Variants in COL8A2 observed in about 807,000 individuals in gnomAD.
The protein encoded by COL8A2 is collagen alpha-2(VIII) chain.
Under a neutral mutation model 24.0 loss-of-function variants are expected in COL8A2, and 16 were observed. The observed-to-expected ratio is 0.67, with a 90% CI of 0.45 to 1.01. COL8A2 has a LOEUF of 1.01. Ranked by LOEUF, COL8A2 falls within the 50% of genes least tolerant of loss-of-function variation. COL8A2 has a pLI of 0.00. For missense variants in COL8A2, 818 were observed against 942.4 expected (o/e 0.87, Z 1.73); for synonymous variants, 466 against 424.5 (o/e 1.10, Z -1.20).
Position 36,125,063 on chromosome 1 carries a change from G to A in COL8A2, c.-68C>T. 1 of 980,732 alleles carries A rather than the reference G, an allele frequency of 1.0e-6. No individual in the cohort carries two copies. Among genetic ancestry groups the A allele is most frequent in the East Asian group, 1.1e-4 (1 of 8,780 alleles). 60.8% of individuals were successfully genotyped at this position (980,732 alleles called of 1,614,324 possible). A position where few individuals can be genotyped will look rare whatever the true frequency, so the allele number is the denominator to read the frequency against. On this transcript the variant is annotated 5_prime_UTR_variant, in exon 1 of 4. Transcript: ENST00000397799. This position sits in a 1 kb window ranked among gnomAD's most constrained non-coding sequence, Gnocchi z 4.5. ...CCCGCCTCCTGGCCTTTACCTGCGG[G>A]CGCGGCCGCCGGGCGCCGCTCCCGG... is the stretch of plus-strand genomic sequence containing the variant.
At chr1:36,121,091 T>TAA (rs199759654) in intron 1 of COL8A2, among the ~76,000 whole-genome samples, 66 of 102,706 alleles carry the variant, frequency 6.4e-4, no homozygotes, top group East Asian at 6.3e-3. Flanking sequence ...TCCGTCTTAA[T>TAA]AAAAAAAAAA....
rs1157695315 is a variant in COL8A2 at position 36,098,588 on chromosome 1, A to T, written c.1093T>A (p.Ser365Thr). ...GLGGPPGLPG[S>T]AGLPGRRGPP... Reference sequence around the variant, plus strand: ...CCACGTCTGCCAGGAAGCCCTGCAGACCCAGGAAGTCCAGGGGGACCCCCA... The same window carrying T: ...CCACGTCTGCCAGGAAGCCCTGCAGTCCCAGGAAGTCCAGGGGGACCCCCA... Residue 365 changes from serine (S) to threonine (T), a missense_variant, in exon 4 of 4, where the codon TCT becomes ACT. Ser to Thr is a moderately conservative substitution (Grantham distance 58). Transcript: ENST00000397799. 6.2e-7 allele frequency: 1 copy of T among 1,609,402 alleles called. No homozygotes were observed. Among genetic ancestry groups the T allele is most frequent in the South Asian group, 1.1e-5 (1 of 90,652 alleles).
intron 1 of COL8A2, among the ~76,000 whole-genome samples, chr1:36,124,623 G>A (rs1643937566): frequency 6.6e-6 from 1 of 152,104 alleles, no homozygotes; most frequent in Admixed American, 6.5e-5. Flanking sequence ...ATGGCAGAGA[G>A]ATGGGGGCAG....
intron 2 of COL8A2, among the ~76,000 whole-genome samples, chr1:36,113,001 A>G (rs1643862516): frequency 6.6e-6 from 1 of 152,116 alleles, no homozygotes. Flanking sequence ...GGCTTCCTGG[A>G]GGAGGAGGCA....
intron 2 of COL8A2, among the ~76,000 whole-genome samples, chr1:36,113,971 G>C (rs990430068): frequency 1.3e-5 from 2 of 152,272 alleles, no homozygotes; most frequent in East Asian, 3.9e-4. Flanking sequence ...CAACCAAGGA[G>C]CAGTGAACCT....
intron 1 of COL8A2, among the ~76,000 whole-genome samples, chr1:36,120,489 C>T (rs1274921504): frequency 6.6e-6 from 1 of 151,212 alleles, no homozygotes; most frequent in Non-Finnish European, 1.5e-5. Context: ...ATGGCTCACG[C>T]CTGTAACCCC....
intron 1 of COL8A2, among the ~76,000 whole-genome samples, chr1:36,117,349 T>C (rs938494675): frequency 2.6e-5 from 4 of 152,158 alleles, no homozygotes; most frequent in African/African-American, 9.7e-5. Context: ...CCCTGCACCA[T>C]GAGACTCTGG....
rs929661140 is a variant in COL8A2, at chr1:36,095,945, CTTTG to C, written c.*1620_*1623del. The C allele has an allele frequency of 1.3e-5, 2 of 152,190 alleles. No homozygotes were observed. Among genetic ancestry groups the C allele is most frequent in the Non-Finnish European group, 2.9e-5 (2 of 68,030 alleles). The allele number at this position is 152,190 out of a possible 1,614,324, so 9.4% of individuals were successfully genotyped here. A position where few individuals can be genotyped will look rare whatever the true frequency, so the allele number is the denominator to read the frequency against. On this transcript the variant is annotated 3_prime_UTR_variant, in exon 4 of 4. Transcript: ENST00000397799. ...TTTGAAGAAGTGAGCAAACAGCCTGCTTTGTTTGGAGAAGTTGTGGGCAGGGGAG... is the reference window on the plus strand; with the variant it reads ...TTTGAAGAAGTGAGCAAACAGCCTGCTTTGGAGAAGTTGTGGGCAGGGGAG...
chr1:36,110,868 AG>A (rs1643831921), intron 2 of COL8A2, among the ~76,000 whole-genome samples: 1 of 152,164 alleles, frequency 6.6e-6, no homozygotes, highest in African/African-American at 2.4e-5. Flanking sequence ...GAAACTGACC[AG>A]GGGCCACAAA....
At chr1:36,111,376 G>C (rs958928686) in intron 2 of COL8A2, among the ~76,000 whole-genome samples, 1 of 152,006 alleles carries the variant, frequency 6.6e-6, no homozygotes, top group Admixed American at 6.6e-5. Context: ...AATCTTCTCT[G>C]CCCACTTCCT....
intron 2 of COL8A2, among the ~76,000 whole-genome samples, chr1:36,108,608 T>C (rs1427352473): frequency 2.0e-5 from 3 of 152,190 alleles, no homozygotes; most frequent in African/African-American, 7.2e-5. Flanking sequence ...TAAAACAGCA[T>C]TCTGTCCAAG....
chr1:36,097,566 G>C lies in COL8A2; in HGVS notation c.*3C>G. ...GCCAGGGCAGCAGGACCCCCCCCGC[G>C]GGTTATGTGGGGCAGAGCAAGAATC... On this transcript the variant is annotated 3_prime_UTR_variant, in exon 4 of 4. Transcript: ENST00000397799. The C allele has an allele frequency of 6.3e-7, 1 of 1,596,970 alleles. No individual in the cohort carries two copies. The highest frequency in any genetic ancestry group is 8.6e-7 in the Non-Finnish European group (1 of 1,167,954).
intron 1 of COL8A2, among the ~76,000 whole-genome samples, chr1:36,120,320 G>T (rs1195804480): frequency 6.6e-6 from 1 of 151,612 alleles, no homozygotes; most frequent in Non-Finnish European, 1.5e-5. Flanking sequence ...AGAAGTGATG[G>T]TACACATCTG....
Position 36,097,518 on chromosome 1 carries a change from G to T in COL8A2, c.*51C>A. ...GAGGTTCTTTGTAATTGAAAAGGTC[G>T]CTCTACCACTAAAGGGGAGGAGGCC... On this transcript the variant is annotated 3_prime_UTR_variant, in exon 4 of 4. Coordinates refer to ENST00000397799, the MANE Select transcript of COL8A2 (RefSeq NM_005202.4). The T allele has an allele frequency of 7.2e-7, 1 of 1,380,648 alleles. No homozygotes were observed. Among genetic ancestry groups the T allele is most frequent in the Non-Finnish European group, 1.0e-6 (1 of 1,000,684 alleles). The allele number at this position is 1,380,648 out of a possible 1,614,324, so 85.5% of individuals were successfully genotyped here.
At chr1:36,110,919 G>A (rs1404131167) in intron 2 of COL8A2, among the ~76,000 whole-genome samples, 1 of 152,142 alleles carries the variant, frequency 6.6e-6, no homozygotes, top group Non-Finnish European at 1.5e-5. Flanking sequence ...ACCTTGGGGA[G>A]GAGCAGAGGA....
Position 36,098,553 on chromosome 1 carries a change from CCCAGGGGGCCCACGTCTG to C in COL8A2, c.1110_1127del (p.Arg371_Gly376del). The C allele has an allele frequency of 6.2e-7, 1 of 1,602,640 alleles. No homozygotes were observed. The highest frequency in any genetic ancestry group is 8.5e-7 in the Non-Finnish European group (1 of 1,175,624). ...CTCCAGGCCCTGCCTCACCCTTAGG[CCCAGGGGGCCCACGTCTG>C]CCAGGAAGCCCTGCAGACCCAGGAA... On this transcript the variant is annotated inframe_deletion, in exon 4 of 4. Coordinates refer to ENST00000397799, the MANE Select transcript of COL8A2 (RefSeq NM_005202.4).
chr1:36,120,906 T>C (rs535178895), intron 1 of COL8A2, among the ~76,000 whole-genome samples: 1 of 149,828 alleles, frequency 6.7e-6, no homozygotes, highest in South Asian at 2.1e-4. Flanking sequence ...CTGGCCAACA[T>C]GGTGAAACCT....
At chr1:36,112,875 G>A (rs540764904) in intron 2 of COL8A2, among the ~76,000 whole-genome samples, 14 of 152,288 alleles carry the variant, frequency 9.2e-5, no homozygotes, top group African/African-American at 3.4e-4. Context: ...CCCAGAGGAC[G>A]CTGACCCTGC....
chr1:36,119,651 C>T (rs1181598805), intron 1 of COL8A2, among the ~76,000 whole-genome samples: 6 of 152,170 alleles, frequency 3.9e-5, no homozygotes, highest in African/African-American at 1.2e-4. Flanking sequence ...TGTCAGGGAG[C>T]GTGGCCTGGA....
Sources: allele counts gnomAD v4.1 joint callset (sites outside exome capture counted in the v4.1 genomes callset), GRCh38; gene constraint gnomAD v4.1.1; non-coding constraint Gnocchi (gnomAD v3.1); transcripts MANE v1.5; gene names NCBI Gene and HGNC (gene_info 2026-07-23, HGNC 2026-07-21).